The following CLDN10 variants were observed in gnomAD, a reference collection of about 807,000 sequenced individuals.
The protein encoded by CLDN10 is claudin 10.
In CLDN10, 15 loss-of-function variants were observed where a neutral mutation model predicts 22.9. The observed-to-expected ratio is 0.65, with a 90% confidence interval of 0.44 to 1.01. The LOEUF (loss-of-function observed/expected upper bound fraction) is 1.01, where lower values mean the gene tolerates loss of function less well. Ranked by LOEUF, CLDN10 falls within the 50% of genes least tolerant of loss-of-function variation. The pLI, the probability that CLDN10 is intolerant of heterozygous loss-of-function variation, is 0.00. For missense variants in CLDN10, 247 were observed against 287.8 expected (o/e 0.86, Z 1.03); for synonymous variants, 114 against 111.4 (o/e 1.02, Z -0.15).
chr13:95,558,762 T>C (rs1483235757), intron 1 of CLDN10, among the ~76,000 whole-genome samples: 1 of 152,064 alleles, frequency 6.6e-6, no homozygotes, highest in Non-Finnish European at 1.5e-5. Flanking sequence ...ACTGTCTCTA[T>C]AAAAATTTAA....
At position 95,578,789 on chromosome 13, in the gene CLDN10, A is replaced by C. The variant is rs2138701066; in HGVS notation, c.*775A>C. On this transcript the variant is annotated 3_prime_UTR_variant, in exon 5 of 5. Coordinates refer to ENST00000299339, the MANE Select transcript of CLDN10 (RefSeq NM_006984.5). ...ATAAACGATGCTGTGATGAAGACTCATGTACATATTTAGCAAATTTTGGTT... is the reference window on the plus strand; with the variant it reads ...ATAAACGATGCTGTGATGAAGACTCCTGTACATATTTAGCAAATTTTGGTT... 1 of 152,336 alleles carries C rather than the reference A, an allele frequency of 6.6e-6. No individual in the cohort carries two copies. Among genetic ancestry groups the C allele is most frequent in the Non-Finnish European group, 1.5e-5 (1 of 68,028 alleles). 9.4% of individuals were successfully genotyped at this position (152,336 alleles called of 1,614,324 possible).
At chr13:95,510,380 A>C (rs997966543) in intron 1 of CLDN10, among the ~76,000 whole-genome samples, 3 of 152,146 alleles carry the variant, frequency 2.0e-5, no homozygotes, top group Non-Finnish European at 4.4e-5. Context: ...GCACACTTTA[A>C]AGTTTATGAA....
At chr13:95,444,967 C>A (rs548313824) in intron 1 of CLDN10, among the ~76,000 whole-genome samples, 1 of 152,206 alleles carries the variant, frequency 6.6e-6, no homozygotes, top group African/African-American at 2.4e-5. Context: ...GTAGAGACAG[C>A]GTTTTACCAT....
chr13:95,458,872 G>T lies in CLDN10; in HGVS notation c.214+24825G>T, dbSNP rs2042508040. On this transcript the variant is annotated intron_variant, in intron 1 of 4. Transcript: ENST00000376873. The stretch of plus-strand genomic sequence containing the variant: ...AAATCCAAAGTCTCATCTGAAACAA[G>T]TCAAGTACCTTCCACCTATGAGCCT... Among the ~76,000 whole-genome samples the T allele has an allele frequency of 2.0e-5, 3 of 152,144 alleles. No homozygotes were observed. The South Asian group carries it at 6.2e-4, about 32-fold the overall frequency.
intron 1 of CLDN10, among the ~76,000 whole-genome samples, chr13:95,537,397 A>C (rs1230975698): frequency 6.6e-6 from 1 of 152,100 alleles, no homozygotes; most frequent in Non-Finnish European, 1.5e-5. Context: ...TTGCGAACAG[A>C]GGGGATCAAG....
At chr13:95,470,014 T>C (rs918818166) in intron 1 of CLDN10, among the ~76,000 whole-genome samples, 1 of 152,212 alleles carries the variant, frequency 6.6e-6, no homozygotes, top group Non-Finnish European at 1.5e-5. Context: ...CGATTATAAA[T>C]GTTGTCTGTG....
intron 1 of CLDN10, among the ~76,000 whole-genome samples, chr13:95,555,777 A>C (rs1330722986): frequency 6.6e-6 from 1 of 152,108 alleles, no homozygotes; most frequent in East Asian, 1.9e-4. Flanking sequence ...CCCACCTGCA[A>C]GTGGAAGCTT....
chr13:95,478,261 T>A (rs1457248580), intron 1 of CLDN10, among the ~76,000 whole-genome samples: 1 of 152,168 alleles, frequency 6.6e-6, no homozygotes, highest in Non-Finnish European at 1.5e-5. Flanking sequence ...TGAGCCAAGA[T>A]CGCACCACTG....
intron 1 of CLDN10, among the ~76,000 whole-genome samples, chr13:95,480,686 C>A (rs1021950372): frequency 6.6e-6 from 1 of 152,130 alleles, no homozygotes; most frequent in African/African-American, 2.4e-5. Context: ...TCAGGATAAT[C>A]AAAAACGGGA....
chr13:95,464,889 G>A (rs927209856), intron 1 of CLDN10, among the ~76,000 whole-genome samples: 2 of 152,058 alleles, frequency 1.3e-5, no homozygotes, highest in African/African-American at 2.4e-5. Context: ...GCAGCACATG[G>A]CTAATTTTTG....
intron 1 of CLDN10, among the ~76,000 whole-genome samples, chr13:95,454,069 G>C (rs536906573): frequency 3.3e-5 from 5 of 152,086 alleles, no homozygotes; most frequent in Non-Finnish European, 7.3e-5. Context: ...AGATCTACCC[G>C]CAACCAGGTT....
At chr13:95,447,519 A>T (rs4359316) in intron 1 of CLDN10, among the ~76,000 whole-genome samples, 14,204 of 151,946 alleles carry the variant, frequency 0.093, 812 homozygotes, top group South Asian at 0.22. Flanking sequence ...CATACCCTAA[A>T]TCCAGCATGC....
At chr13:95,435,848 G>T (rs2042264071) in intron 1 of CLDN10, among the ~76,000 whole-genome samples, 3 of 151,354 alleles carry the variant, frequency 2.0e-5, no homozygotes, top group South Asian at 2.1e-4. Flanking sequence ...TTGAGATGGG[G>T]TTTCTCTATG....
chr13:95,543,074 A>G (rs538820411), intron 1 of CLDN10, among the ~76,000 whole-genome samples: 3 of 152,230 alleles, frequency 2.0e-5, no homozygotes, highest in African/African-American at 7.2e-5. Context: ...TCTACTAAAA[A>G]TATAAAAATT....
intron 1 of CLDN10, among the ~76,000 whole-genome samples, chr13:95,519,430 C>T (rs2043203159): frequency 6.6e-6 from 1 of 152,142 alleles, no homozygotes; most frequent in Admixed American, 6.5e-5. Flanking sequence ...TTCATTTTAA[C>T]AGAAAATTGG....
intron 3 of CLDN10, among the ~76,000 whole-genome samples, chr13:95,569,895 A>G (rs1008661487): frequency 6.6e-6 from 1 of 151,998 alleles, no homozygotes; most frequent in Non-Finnish European, 1.5e-5. Context: ...CAGTCTCCCA[A>G]GTAGCTGGGA....
At chr13:95,436,193 A>G (rs1368909077) in intron 1 of CLDN10, among the ~76,000 whole-genome samples, 3 of 151,950 alleles carry the variant, frequency 2.0e-5, no homozygotes, top group African/African-American at 7.3e-5. Flanking sequence ...TTTTTTATTT[A>G]TTGTTTTTGA....
intron 3 of CLDN10, 108 bp from the exon 4 acceptor site, chr13:95,577,123 A>G (rs920267147): frequency 1.4e-6 from 1 of 728,352 alleles, no homozygotes; most frequent in Non-Finnish European, 2.3e-6. Flanking sequence ...ACAATTTTCA[A>G]TAGCAAAAAA....
At chr13:95,456,251 C>T (rs954897650) in intron 1 of CLDN10, among the ~76,000 whole-genome samples, 1 of 152,172 alleles carries the variant, frequency 6.6e-6, no homozygotes, top group Non-Finnish European at 1.5e-5. Flanking sequence ...TCTTTACTCC[C>T]TGTCTTTACT....
Sources: allele counts gnomAD v4.1 joint callset (sites outside exome capture counted in the v4.1 genomes callset), GRCh38; gene constraint gnomAD v4.1.1; transcripts MANE v1.5; gene names NCBI Gene and HGNC (gene_info 2026-07-23, HGNC 2026-07-21).